Variants in CCDC6 observed in about 807,000 individuals in gnomAD.
CCDC6 encodes coiled-coil domain-containing protein 6.
A neutral mutation model predicts 56.6 loss-of-function variants in CCDC6; 20 were observed. The ratio of observed to expected loss-of-function variants is 0.35; its 90% CI spans 0.25 to 0.51. CCDC6 has a LOEUF of 0.51. Ranked by LOEUF, CCDC6 falls within the 20% of genes least tolerant of loss-of-function variation. The pLI, the probability that CCDC6 is intolerant of heterozygous loss-of-function variation, is 0.95. For missense variants in CCDC6, 367 were observed against 601.1 expected, an observed-to-expected ratio of 0.61 and a Z score of 4.07; for synonymous variants, 241 against 234.4, an observed-to-expected ratio of 1.03 and a Z score of -0.26.
chr10:59,800,329 G>A lies in CCDC6; in HGVS notation c.1105+4091C>T, dbSNP rs566146776. The stretch of plus-strand genomic sequence containing the variant: ...TCCTTATCCTTCTACTACTCTTAAC[G>A]CATCCTAGCAATGACTGATCTGTTC... On this transcript the variant is annotated intron_variant, in intron 7 of 8. Coordinates refer to ENST00000263102, the MANE Select transcript of CCDC6 (RefSeq NM_005436.5). Among the ~76,000 whole-genome samples the A allele has an allele frequency of 4.6e-5, 7 of 152,222 alleles. No individual in the cohort carries two copies. The South Asian group carries it at 6.2e-4, about 14-fold the overall frequency.
At chr10:59,795,877 T>A (rs1280631477) in intron 7 of CCDC6, among the ~76,000 whole-genome samples, 1 of 152,110 alleles carries the variant, frequency 6.6e-6, no homozygotes, top group East Asian at 1.9e-4. Context: ...AGTCTATCGT[T>A]GTTGGACATT....
At chr10:59,854,884 G>A (rs1236311443) in intron 1 of CCDC6, among the ~76,000 whole-genome samples, 1 of 152,236 alleles carries the variant, frequency 6.6e-6, no homozygotes, top group African/African-American at 2.4e-5. Context: ...TTAAAGAACA[G>A]AAAGGCTGAG....
chr10:59,897,983 A>G (rs1684914), intron 1 of CCDC6, among the ~76,000 whole-genome samples: 143,710 of 152,284 alleles, frequency 0.94, 68,305 homozygotes, highest in Middle Eastern at 1. Flanking sequence ...ACCTGGCACC[A>G]CAAGGCTGGA....
At chr10:59,903,690 A>G (rs1003571186) in intron 1 of CCDC6, among the ~76,000 whole-genome samples, 1 of 152,246 alleles carries the variant, frequency 6.6e-6, no homozygotes. Flanking sequence ...TAACTAAAAT[A>G]GTGAAAAATC....
At chr10:59,849,923 C>A (rs757365320) in intron 2 of CCDC6, among the ~76,000 whole-genome samples, 12 of 152,124 alleles carry the variant, frequency 7.9e-5, no homozygotes, top group Non-Finnish European at 1.2e-4. Flanking sequence ...ACTGGTTGAA[C>A]CTATTAAGGA....
intron 1 of CCDC6, among the ~76,000 whole-genome samples, chr10:59,905,469 T>C (rs2071536069): frequency 6.6e-6 from 1 of 152,018 alleles, no homozygotes; most frequent in African/African-American, 2.4e-5. Flanking sequence ...GATGCTGCAC[T>C]CTCCTCGCTG....
intron 1 of CCDC6, among the ~76,000 whole-genome samples, chr10:59,877,338 C>T (rs1331673445): frequency 6.6e-6 from 1 of 152,094 alleles, no homozygotes; most frequent in South Asian, 2.1e-4. Context: ...TATGACTCAA[C>T]GTAGTACAGA....
intron 7 of CCDC6, among the ~76,000 whole-genome samples, chr10:59,797,226 G>A (rs2070528402): frequency 6.6e-6 from 1 of 152,054 alleles, no homozygotes; most frequent in South Asian, 2.1e-4. Context: ...AGAGTAGAAT[G>A]GCGGTGAACT....
At chr10:59,816,501 T>C (rs1426823411) in intron 3 of CCDC6, among the ~76,000 whole-genome samples, 1 of 152,196 alleles carries the variant, frequency 6.6e-6, no homozygotes, top group Non-Finnish European at 1.5e-5. Context: ...GCCAAATGCC[T>C]AGGTTCAAAT....
chr10:59,849,464 A>AT (rs2071020256), intron 2 of CCDC6, among the ~76,000 whole-genome samples: 1 of 152,166 alleles, frequency 6.6e-6, no homozygotes. Context: ...TTTTAAAGGT[A>AT]TTGGATACCC....
Position 59,818,557 on chromosome 10 carries a change from T to C in CCDC6, c.583-3802A>G, listed in dbSNP as rs572723093. Among the ~76,000 whole-genome samples, 10 of 151,274 alleles carry C rather than the reference T, an allele frequency of 6.6e-5. No homozygotes were observed. In the East Asian group the frequency reaches 2.0e-3, roughly 30 times the overall value. ...TCTATGTAGGGTTCACATGTTCTCCTTATGTCTGTGTGGGTTTTCTCCAGA... is the reference window on the plus strand; with the variant it reads ...TCTATGTAGGGTTCACATGTTCTCCCTATGTCTGTGTGGGTTTTCTCCAGA... On this transcript the variant is annotated intron_variant, in intron 3 of 8. Transcript: ENST00000263102.
intron 1 of CCDC6, among the ~76,000 whole-genome samples, chr10:59,861,024 G>A (rs1149661): frequency 0.21 from 32,230 of 151,792 alleles, 4,584 homozygotes; most frequent in African/African-American, 0.4. Context: ...GTGAAACCCC[G>A]TCTCTACTAA....
chr10:59,864,496 G>T (rs982313666), intron 1 of CCDC6, among the ~76,000 whole-genome samples: 1 of 152,126 alleles, frequency 6.6e-6, no homozygotes, highest in African/African-American at 2.4e-5. Flanking sequence ...GATGTGAAAG[G>T]CTTTCTTAAC....
Position 59,906,111 on chromosome 10 carries a change from G to A in CCDC6, c.303+11C>T, listed in dbSNP as rs1261645938. 1 of 1,576,956 alleles carries A rather than the reference G, an allele frequency of 6.3e-7. No homozygotes were observed. The highest frequency in any genetic ancestry group is 1.7e-5 in the Admixed American group (1 of 58,028). The stretch of plus-strand genomic sequence containing the variant: ...GGTCGGCGCTGCGGCGCGTCCCCGG[G>A]GGGCACTCACGATGGTCACGCTGGC... On this transcript the variant is annotated intron_variant, in intron 1 of 8. Transcript: ENST00000263102.
In CCDC6 at chr10:59,790,604, T is replaced by C. The variant is rs1235370601; in HGVS notation, c.*2313A>G. The C allele has an allele frequency of 4.5e-6, 1 of 221,332 alleles. No homozygotes were observed. The highest frequency in any genetic ancestry group is 9.0e-6 in the Non-Finnish European group (1 of 110,502). The allele number at this position is 221,332 out of a possible 1,614,324, so 13.7% of individuals were successfully genotyped here. A position where few individuals can be genotyped will look rare whatever the true frequency, so the allele number is the denominator to read the frequency against. ...ATCAAATTCAAAAGAGTAGTGTTTG[T>C]TCTATCAGTTCTGAATGTCCACAGG... On this transcript the variant is annotated 3_prime_UTR_variant, in exon 9 of 9. Transcript: ENST00000263102.
intron 3 of CCDC6, among the ~76,000 whole-genome samples, chr10:59,818,236 G>A (rs1003460339): frequency 6.6e-6 from 1 of 152,120 alleles, no homozygotes; most frequent in Non-Finnish European, 1.5e-5. Flanking sequence ...AAACAGACGA[G>A]ATCAGGAAAC....
intron 1 of CCDC6, among the ~76,000 whole-genome samples, chr10:59,871,151 TGAGGA>T (rs2071225879): frequency 1.3e-5 from 2 of 152,276 alleles, no homozygotes; most frequent in South Asian, 4.1e-4. Context: ...GTATTATACA[TGAGGA>T]GAGTTTATAT....
chr10:59,906,457 A>T lies in CCDC6; in HGVS notation c.-33T>A. Reference sequence around the variant, plus strand: ...GCGGGCTGGGGAAAGGAGGAGGAGCAGCAGGGAGGCGGCGGCGACGAAGGC... The same window carrying T: ...GCGGGCTGGGGAAAGGAGGAGGAGCTGCAGGGAGGCGGCGGCGACGAAGGC... On this transcript the variant is annotated 5_prime_UTR_variant, in exon 1 of 9. Coordinates refer to ENST00000263102, the MANE Select transcript of CCDC6 (RefSeq NM_005436.5). 6.9e-7 allele frequency: 1 copy of T among 1,457,996 alleles called. No individual in the cohort carries two copies. Among genetic ancestry groups the T allele is most frequent in the Non-Finnish European group, 8.9e-7 (1 of 1,120,620 alleles). 90.3% of individuals were successfully genotyped at this position (1,457,996 alleles called of 1,614,324 possible). A position where few individuals can be genotyped will look rare whatever the true frequency, so the allele number is the denominator to read the frequency against.
chr10:59,892,574 C>G (rs750919831), intron 1 of CCDC6, among the ~76,000 whole-genome samples: 6 of 152,196 alleles, frequency 3.9e-5, no homozygotes, highest in Non-Finnish European at 8.8e-5. Flanking sequence ...ATAGGATTAT[C>G]TAGAGCAGGA....
Sources: allele counts gnomAD v4.1 joint callset (sites outside exome capture counted in the v4.1 genomes callset), GRCh38; gene constraint gnomAD v4.1.1; transcripts MANE v1.5; gene names NCBI Gene and HGNC (gene_info 2026-07-23, HGNC 2026-07-21).